The following ANKDD1A variants were observed in gnomAD, a reference collection of about 807,000 sequenced individuals.
The protein encoded by ANKDD1A is ankyrin repeat and death domain-containing protein 1A.
A neutral mutation model predicts 63.5 loss-of-function variants in ANKDD1A; 59 were observed. That is an observed-to-expected ratio of 0.93 (90% CI 0.75 to 1.15). The LOEUF (loss-of-function observed/expected upper bound fraction) is 1.15, where lower values mean the gene tolerates loss of function less well. Among genes scored for constraint, ANKDD1A ranks in the 50% most tolerant of loss-of-function variants. The probability of loss-of-function intolerance (pLI) is 0.00; values close to 1 mark genes in which losing one functional copy is unlikely to be tolerated. For synonymous variants in ANKDD1A, 266 were observed against 263.9 expected (o/e 1.01, Z -0.08); for missense variants, 632 against 656.4 (o/e 0.96, Z 0.41).
intron 9 of ANKDD1A, among the ~76,000 whole-genome samples, chr15:64,935,170 G>A (rs2085118848): frequency 6.8e-6 from 1 of 147,956 alleles, no homozygotes; most frequent in South Asian, 2.1e-4. Context: ...TGAGGCCACA[G>A]TGAGCCATGA....
chr15:64,955,208 C>T (rs925207368), intron 14 of ANKDD1A, among the ~76,000 whole-genome samples: 2 of 152,046 alleles, frequency 1.3e-5, no homozygotes, highest in African/African-American at 2.4e-5. Flanking sequence ...TGCCTGCCAC[C>T]ACACCCAGCT....
At chr15:64,936,248 C>T (rs7178748) in intron 9 of ANKDD1A, among the ~76,000 whole-genome samples, 45,551 of 151,620 alleles carry the variant, frequency 0.3, 7,759 homozygotes, top group East Asian at 0.67. Flanking sequence ...TTTTTTAATG[C>T]CCTCCCATTT....
chr15:64,946,317 ACTT>A (rs1475308985), intron 12 of ANKDD1A, among the ~76,000 whole-genome samples: 1 of 152,298 alleles, frequency 6.6e-6, no homozygotes, highest in East Asian at 1.9e-4. Flanking sequence ...AACTTAGTAA[ACTT>A]CTTATCCCTT....
intron 1 of ANKDD1A, among the ~76,000 whole-genome samples, chr15:64,912,421 GC>G (rs1306348241): frequency 2.0e-5 from 3 of 152,202 alleles, no homozygotes; most frequent in African/African-American, 7.2e-5. Context: ...GTGCTGAAGG[GC>G]CCAGCTCACC....
intron 14 of ANKDD1A, among the ~76,000 whole-genome samples, chr15:64,951,681 T>TTCTTTCTC: frequency 3.0e-5 from 1 of 33,368 alleles, no homozygotes; most frequent in South Asian, 6.1e-4. Context: ...TCTTTCCTTC[T>TTCTTTCTC]TTCTTCTTCC....
At chr15:64,953,658 T>TTCCTCC (rs1447605068) in intron 14 of ANKDD1A, among the ~76,000 whole-genome samples, 2 of 130,802 alleles carry the variant, frequency 1.5e-5, no homozygotes, top group African/African-American at 3.0e-5. Flanking sequence ...TTCTCCTTCT[T>TTCCTCC]TTCTTTCTTC....
intron 14 of ANKDD1A, among the ~76,000 whole-genome samples, chr15:64,953,294 TCTTCTTC>T (rs1271793771): frequency 4.1e-4 from 60 of 146,908 alleles, no homozygotes; most frequent in Middle Eastern, 3.4e-3. Flanking sequence ...CTTCCTTCTT[TCTTCTTC>T]TTTTACTTTT....
chr15:64,947,578 G>T lies in ANKDD1A; in HGVS notation c.1336G>T (p.Glu446Ter), dbSNP rs777612217. ...EFTEAHVDAI[E>*]QQWTGTRSYQ... ...CACGGAGGCACATGTCGACGCCATC[G>T]AGCAACAGTGGACAGGTACCACCTT... Residue 446 changes from glutamate (E) to a stop codon, truncating the protein, a stop_gained, in exon 13 of 15, where the codon GAG becomes TAG. Coordinates refer to ENST00000319580, the MANE Select transcript of ANKDD1A (RefSeq NM_182703.6). LOFTEE classifies it high-confidence loss of function. The T allele has an allele frequency of 3.7e-6, 6 of 1,613,976 alleles. No individual in the cohort carries two copies. In the South Asian group the frequency reaches 6.6e-5, roughly 18 times the overall value.
chr15:64,932,950 A>G (rs1004632290), intron 8 of ANKDD1A, among the ~76,000 whole-genome samples: 1 of 36,288 alleles, frequency 2.8e-5, no homozygotes, highest in African/African-American at 4.0e-5. Flanking sequence ...CCCTGTCTCA[A>G]GAAAAAAAAA....
intron 6 of ANKDD1A, among the ~76,000 whole-genome samples, chr15:64,929,560 A>G (rs1345563693): frequency 6.6e-6 from 1 of 152,200 alleles, no homozygotes; most frequent in Non-Finnish European, 1.5e-5. Flanking sequence ...GCCCTGCCCC[A>G]TGCAGCTGCT....
At chr15:64,931,644 G>A (rs377350877) in intron 8 of ANKDD1A, 59 bp downstream of exon 8, 64 of 1,550,762 alleles carry the variant, frequency 4.1e-5, no homozygotes, top group Non-Finnish European at 5.0e-5. Context: ...TAGCCATGTC[G>A]GCAGTAACGG....
chr15:64,952,486 TTCGTCA>T, intron 14 of ANKDD1A, among the ~76,000 whole-genome samples: 1 of 146,788 alleles, frequency 6.8e-6, no homozygotes, highest in African/African-American at 2.5e-5. Flanking sequence ...TTCTTCTTCC[TTCGTCA>T]CCGTCTTCTC....
At chr15:64,927,129 AGT>A in intron 6 of ANKDD1A, 130 bp downstream of exon 6, 1 of 873,538 alleles carries the variant, frequency 1.1e-6, no homozygotes, top group Non-Finnish European at 1.8e-6. Context: ...CAAAGATGAG[AGT>A]GTATTTAGTG....
chr15:64,953,869 C>G (rs574166189), intron 14 of ANKDD1A, among the ~76,000 whole-genome samples: 23 of 74,368 alleles, frequency 3.1e-4, no homozygotes, highest in Admixed American at 8.1e-4. Flanking sequence ...CTTCCTCTTT[C>G]TTCTTCATTC....
chr15:64,952,781 C>T (rs2085320403), intron 14 of ANKDD1A, among the ~76,000 whole-genome samples: 2 of 24,394 alleles, frequency 8.2e-5, no homozygotes, highest in Non-Finnish European at 2.0e-4. Flanking sequence ...TTTTCTTCTT[C>T]CTTCTCCTTC....
intron 14 of ANKDD1A, among the ~76,000 whole-genome samples, chr15:64,953,287 C>T (rs1472865962): frequency 2.0e-5 from 3 of 147,970 alleles, no homozygotes; most frequent in African/African-American, 7.5e-5. Context: ...TTTCCTTCTT[C>T]CTTCTTTCTT....
chr15:64,924,880 G>A (rs905291488), intron 4 of ANKDD1A, among the ~76,000 whole-genome samples: 3 of 152,136 alleles, frequency 2.0e-5, no homozygotes, highest in African/African-American at 4.8e-5. Context: ...AACACAAGAG[G>A]GAAGTGTCCT....
chr15:64,946,998 G>A (rs1215119666), intron 12 of ANKDD1A, among the ~76,000 whole-genome samples: 1 of 152,164 alleles, frequency 6.6e-6, no homozygotes, highest in Non-Finnish European at 1.5e-5. Flanking sequence ...CAGCAAATCC[G>A]ATTCTTGCCC....
chr15:64,937,638 G>C (rs2085145557), intron 9 of ANKDD1A, among the ~76,000 whole-genome samples: 1 of 151,628 alleles, frequency 6.6e-6, no homozygotes. Context: ...TGAGGCAGAA[G>C]AATCGCTTGA....
Sources: gnomAD v4.1 joint callset for allele counts (sites outside exome capture counted in the v4.1 genomes callset) on GRCh38, gnomAD v4.1.1 for gene constraint, MANE v1.5 for transcripts, NCBI Gene and HGNC (gene_info 2026-07-23, HGNC 2026-07-21) for gene names.